The following COG2 variants were observed in gnomAD, a reference collection of about 807,000 sequenced individuals.
COG2 encodes the protein component of oligomeric golgi complex 2.
In COG2, 52 loss-of-function variants were observed where a neutral mutation model predicts 90.6. That is an observed-to-expected ratio of 0.57 (90% CI 0.46 to 0.72). COG2 has a LOEUF of 0.72. Ranked by LOEUF, COG2 falls within the 30% of genes least tolerant of loss-of-function variation. The pLI, the probability that COG2 is intolerant of heterozygous loss-of-function variation, is 0.00. For missense variants in COG2, 829 were observed against 891.2 expected (o/e 0.93, Z 0.89); for synonymous variants, 337 against 320.4 (o/e 1.05, Z -0.55).
chr1:230,662,913 A>G (rs941807594), intron 3 of COG2, among the ~76,000 whole-genome samples: 2 of 152,116 alleles, frequency 1.3e-5, no homozygotes, highest in African/African-American at 2.4e-5. Context: ...CATTGTATAT[A>G]TATTAATTTT....
intron 17 of COG2, 44 bp downstream of exon 17, chr1:230,691,608 A>G: frequency 6.4e-7 from 1 of 1,567,516 alleles, no homozygotes; most frequent in Non-Finnish European, 8.7e-7. Context: ...CTGAAACCAA[A>G]TTCTGAGAGC....
chr1:230,668,643 G>T, intron 5 of COG2, 33 bp from the exon 6 acceptor site: 1 of 1,329,170 alleles, frequency 7.5e-7, no homozygotes, highest in Non-Finnish European at 1.1e-6. Context: ...GAGACCTTAG[G>T]GGTTACACTT....
chr1:230,682,904 G>A (rs1662788563), intron 10 of COG2: 1 of 152,196 alleles, frequency 6.6e-6, no homozygotes, highest in Non-Finnish European at 1.5e-5. Context: ...ATAAAAACAT[G>A]TCCATATCCA....
At chr1:230,661,017 AT>A in intron 3 of COG2, 194 bp downstream of exon 3, 3 of 406,708 alleles carry the variant, frequency 7.4e-6, no homozygotes, top group Non-Finnish European at 8.7e-6. Context: ...AACCAAAAAA[AT>A]GTTATGTTTG....
chr1:230,670,408 A>G (rs1035907487), intron 7 of COG2: 2 of 152,170 alleles, frequency 1.3e-5, no homozygotes, highest in Non-Finnish European at 2.9e-5. Flanking sequence ...TCAGGGTGAA[A>G]GTCTTTTATT....
chr1:230,668,271 GA>G (rs1484536976), intron 5 of COG2, among the ~76,000 whole-genome samples: 1 of 152,044 alleles, frequency 6.6e-6, no homozygotes, highest in Non-Finnish European at 1.5e-5. Context: ...GGAAAGGGGA[GA>G]GGGGGAAGAG....
intron 17 of COG2, chr1:230,691,883 C>T (rs1018884551): frequency 3.9e-5 from 9 of 233,660 alleles, no homozygotes; most frequent in Non-Finnish European, 5.8e-5. Context: ...TTAATTGGTG[C>T]GAACCCCAGG....
intron 16 of COG2, 179 bp downstream of exon 16, chr1:230,690,332 C>T (rs1431454917): frequency 7.5e-6 from 4 of 535,048 alleles, no homozygotes; most frequent in Admixed American, 4.0e-5. Context: ...CCCTTGTGGA[C>T]GGCCTGTGGG....
At chr1:230,644,589 C>T (rs138174336) in intron 1 of COG2, among the ~76,000 whole-genome samples, 130 of 152,280 alleles carry the variant, frequency 8.5e-4, no homozygotes, top group African/African-American at 2.9e-3. Flanking sequence ...CTGTTATTAC[C>T]TCTCTTCTGG....
At position 230,663,305 on chromosome 1, in the gene COG2, T is replaced by G. The variant is rs1662236769; in HGVS notation, c.381+84T>G. 4.2e-6 allele frequency: 4 copies of G among 949,116 alleles called. No homozygotes were observed. The Admixed American group carries it at 9.5e-5, about 23-fold the overall frequency. The allele number at this position is 949,116 out of a possible 1,614,324, so 58.8% of individuals were successfully genotyped here. ...AGCACTTTCAGGCATATGGTCTGAT[T>G]TACTCTTCTTGATACCTTTGCAGAG... On this transcript the variant is annotated intron_variant, in intron 4 of 17. Transcript: ENST00000366669.
intron 13 of COG2, among the ~76,000 whole-genome samples, chr1:230,687,810 G>A (rs1024261113): frequency 3.3e-5 from 5 of 152,140 alleles, no homozygotes; most frequent in African/African-American, 1.2e-4. Context: ...GTATTATGGA[G>A]CGCCATAGAG....
chr1:230,692,889 T>C (rs2102778374), intron 17 of COG2, among the ~76,000 whole-genome samples: 1 of 152,248 alleles, frequency 6.6e-6, no homozygotes, highest in South Asian at 2.1e-4. Flanking sequence ...TGTTTTCAAC[T>C]CATCTGATTC....
chr1:230,669,192 T>C (rs1187000940), intron 6 of COG2, 164 bp from the exon 7 acceptor site: 1 of 560,534 alleles, frequency 1.8e-6, no homozygotes, highest in African/African-American at 1.9e-5. Flanking sequence ...ACTTATAAAG[T>C]GATTGGAGTG....
chr1:230,664,628 A>G (rs763415482), intron 5 of COG2, 41 bp downstream of exon 5: 2 of 1,028,868 alleles, frequency 1.9e-6, no homozygotes, highest in East Asian at 5.0e-5. Context: ...TTAATACTTC[A>G]CATCCAGAGT....
intron 10 of COG2, chr1:230,683,304 AGTTT>A (rs1220456779): frequency 7.7e-5 from 27 of 352,426 alleles, no homozygotes; most frequent in Non-Finnish European, 1.1e-4. Flanking sequence ...CTTAACTGGC[AGTTT>A]GTTTAATTTG....
At chr1:230,642,763 C>A in intron 1 of COG2, 85 bp downstream of exon 1, 2 of 1,326,344 alleles carry the variant, frequency 1.5e-6, no homozygotes, top group African/African-American at 1.5e-5. Context: ...CGGTCGGCTG[C>A]TCCTGCCTGC....
At chr1:230,658,429 G>A (rs750591892) in intron 1 of COG2, among the ~76,000 whole-genome samples, 6 of 152,088 alleles carry the variant, frequency 3.9e-5, no homozygotes, top group Non-Finnish European at 7.4e-5. Flanking sequence ...TGGAAGCTTC[G>A]TCCCAGAGGG....
intron 5 of COG2, among the ~76,000 whole-genome samples, chr1:230,667,440 C>T (rs985649115): frequency 2.0e-5 from 3 of 151,778 alleles, no homozygotes; most frequent in Non-Finnish European, 4.4e-5. Flanking sequence ...ATGTTATATT[C>T]AGTATAATAG....
Position 230,668,658 on chromosome 1 carries a change from A to G in COG2, c.486-18A>G. ...GAGACCTTAGGGGTTACACTTCTAT[A>G]ACTGTTTTCTCTACTAGCCCCCTTT... On this transcript the variant is annotated intron_variant, in intron 5 of 17. Coordinates refer to ENST00000366669, the MANE Select transcript of COG2 (RefSeq NM_007357.3). The G allele has an allele frequency of 6.6e-6, 10 of 1,519,054 alleles. No individual in the cohort carries two copies. The highest frequency in any genetic ancestry group is 1.7e-5 in the Admixed American group (1 of 58,662). 94.1% of individuals were successfully genotyped at this position (1,519,054 alleles called of 1,614,324 possible).
Sources: gnomAD v4.1 joint callset for allele counts (sites outside exome capture counted in the v4.1 genomes callset) on GRCh38, gnomAD v4.1.1 for gene constraint, MANE v1.5 for transcripts, NCBI Gene and HGNC (gene_info 2026-07-23, HGNC 2026-07-21) for gene names.